PSMF1: variants seen among roughly 807,000 people sequenced by gnomAD.
PSMF1 encodes proteasome inhibitor PI31 subunit.
A neutral mutation model predicts 29.3 loss-of-function variants in PSMF1; 30 were observed. The ratio of observed to expected loss-of-function variants is 1.02; its 90% CI spans 0.77 to 1.39. The LOEUF is 1.39. Ranked by LOEUF, PSMF1 falls within the 40% of genes most tolerant of loss-of-function variation. The pLI is 0.00. For missense variants in PSMF1, 344 were observed against 357.5 expected (o/e 0.96, Z 0.31); for synonymous variants, 134 against 139.7 (o/e 0.96, Z 0.29).
intron 4 of PSMF1, among the ~76,000 whole-genome samples, chr20:1,147,665 C>A (rs2086471335): frequency 6.6e-6 from 1 of 152,138 alleles, no homozygotes; most frequent in African/African-American, 2.4e-5. Context: ...CCTATCAGAT[C>A]TCCCCTCTGT....
chr20:1,121,273 G>C (rs944458430), intron 1 of PSMF1, among the ~76,000 whole-genome samples: 1 of 152,070 alleles, frequency 6.6e-6, no homozygotes, highest in Non-Finnish European at 1.5e-5. Flanking sequence ...GGAGCCTGGG[G>C]AATTAGGTTT....
chr20:1,152,060 G>T (rs1056675323), intron 4 of PSMF1, among the ~76,000 whole-genome samples: 1 of 152,110 alleles, frequency 6.6e-6, no homozygotes, highest in Non-Finnish European at 1.5e-5. Context: ...TTGGGACTCG[G>T]TTAACCACGG....
chr20:1,157,957 T>A (rs1042289135), intron 4 of PSMF1, among the ~76,000 whole-genome samples: 4 of 152,174 alleles, frequency 2.6e-5, no homozygotes, highest in Admixed American at 2.6e-4. Context: ...TCTAGAGTAG[T>A]AGACTGATTT....
In PSMF1 at chr20:1,118,983, G is replaced by A. The variant is rs111911499; in HGVS notation, c.129+81G>A. The A allele has an allele frequency of 9.2e-6, 14 of 1,526,432 alleles. No individual in the cohort carries two copies. The African/African-American group carries it at 1.8e-4, about 19-fold the overall frequency. 94.6% of individuals were successfully genotyped at this position (1,526,432 alleles called of 1,614,324 possible). A position where few individuals can be genotyped will look rare whatever the true frequency, so the allele number is the denominator to read the frequency against. On this transcript the variant is annotated intron_variant, in intron 1 of 6. Coordinates refer to ENST00000335877, the MANE Select transcript of PSMF1 (RefSeq NM_006814.5). ...GAGTACCGGAGGCCTGGTCCAGAGCGCCCGATTTCCCCGCTTCTCCCAGTG... is the reference window on the plus strand; with the variant it reads ...GAGTACCGGAGGCCTGGTCCAGAGCACCCGATTTCCCCGCTTCTCCCAGTG...
chr20:1,133,569 A>ATATATATATATATATATATATATATTTT, intron 3 of PSMF1, among the ~76,000 whole-genome samples: 24 of 53,262 alleles, frequency 4.5e-4, no homozygotes, highest in African/African-American at 1.2e-3. Flanking sequence ...ATATATATAT[A>ATATATATATATATATATATATATATTTT]TTTTTTTTTT....
intron 2 of PSMF1, chr20:1,125,943 A>G (rs143183906): frequency 2.7e-4 from 144 of 538,682 alleles, no homozygotes; most frequent in African/African-American, 2.2e-3. Flanking sequence ...GGTAACCCCA[A>G]TGGGCTACTT....
At chr20:1,128,886 T>C (rs2086194112) in intron 3 of PSMF1, among the ~76,000 whole-genome samples, 4 of 151,568 alleles carry the variant, frequency 2.6e-5, no homozygotes, top group South Asian at 4.2e-4. Flanking sequence ...TTTTTTGTTT[T>C]GTTTTTTGAG....
chr20:1,128,915 A>G (rs901481762), intron 3 of PSMF1, among the ~76,000 whole-genome samples: 2 of 151,608 alleles, frequency 1.3e-5, no homozygotes, highest in African/African-American at 4.9e-5. Flanking sequence ...TTGCTCTGTC[A>G]CCCAGGCTGG....
intron 4 of PSMF1, among the ~76,000 whole-genome samples, chr20:1,154,514 A>C (rs1246838982): frequency 2.6e-5 from 4 of 152,184 alleles, no homozygotes; most frequent in Non-Finnish European, 4.4e-5. Context: ...TCATTTCCCC[A>C]ATTCTAAGTT....
chr20:1,130,269 G>A (rs963975615), intron 3 of PSMF1, among the ~76,000 whole-genome samples: 1 of 152,172 alleles, frequency 6.6e-6, no homozygotes, highest in African/African-American at 2.4e-5. Context: ...GCACAACAGT[G>A]TTAATGTACT....
chr20:1,157,830 T>G (rs2086614222), intron 4 of PSMF1, among the ~76,000 whole-genome samples: 1 of 152,048 alleles, frequency 6.6e-6, no homozygotes, highest in African/African-American at 2.4e-5. Context: ...TCATTTGTAG[T>G]CCTGCCTGGA....
In PSMF1 at chr20:1,139,757, A is replaced by AAAG. The variant is rs57718820; in HGVS notation, c.551+4451_551+4452insAAG. On this transcript the variant is annotated intron_variant, in intron 4 of 6. Transcript: ENST00000335877. ...GAGACTCCATCTCAAAAAAAAAAAA[A>AAAG]CGATAAAAATCAGTTGTATTTCTGT... Among the ~76,000 whole-genome samples, 280 of 147,824 alleles carry AAAG rather than the reference A, an allele frequency of 1.9e-3. 14 individuals carry two copies. Among genetic ancestry groups the AAAG allele is most frequent in the Non-Finnish European group, 2.6e-3 (172 of 67,178 alleles).
rs185073651 is a variant in PSMF1 at position 1,138,101 on chromosome 20, C to T, written c.551+2795C>T. ...TAATACCAGTTCTTCACATAGTCCT[C>T]CAAAAAATAGAAGAGGAGGGAATAC... On this transcript the variant is annotated intron_variant, in intron 4 of 6. Transcript: ENST00000335877. Among the ~76,000 whole-genome samples the T allele has an allele frequency of 3.9e-5, 6 of 152,096 alleles. No homozygotes were observed. In the East Asian group the frequency reaches 1.2e-3, roughly 29 times the overall value.
Position 1,165,045 on chromosome 20 carries a change from C to CT in PSMF1, c.782dup (p.Pro264AlafsTer5), listed in dbSNP as rs2086711744. On this transcript the variant is annotated frameshift_variant, in exon 7 of 7. Transcript: ENST00000335877. LOFTEE classifies it high-confidence loss of function. ...CCATTCCAGACCTAACCCAGACCAT[C>CT]TCCCCCCGCCGGGCTACGATGACAT... The CT allele has an allele frequency of 3.1e-6, 5 of 1,614,108 alleles. No individual in the cohort carries two copies. The highest frequency in any genetic ancestry group is 4.2e-6 in the Non-Finnish European group (5 of 1,180,004).
intron 4 of PSMF1, among the ~76,000 whole-genome samples, chr20:1,152,577 G>A (rs977617269): frequency 6.6e-6 from 1 of 152,174 alleles, no homozygotes; most frequent in Non-Finnish European, 1.5e-5. Context: ...GTTTTACAAG[G>A]GAGGGACTTC....
chr20:1,123,349 G>A (rs531433168), intron 1 of PSMF1, among the ~76,000 whole-genome samples: 12 of 152,022 alleles, frequency 7.9e-5, no homozygotes, highest in African/African-American at 2.7e-4. Flanking sequence ...CTTCATCTCC[G>A]GTCCCACTCC....
rs765817990 is a variant in PSMF1 at position 1,127,509 on chromosome 20, G to T, written c.365+1G>T. ...CAGAACACCTGGGTGACTTCCACAG[G>T]TACTTCTAAATGATGTCTCTTCCCT... On this transcript the variant is annotated splice_donor_variant, in intron 3 of 6. Transcript: ENST00000335877. LOFTEE classifies it high-confidence loss of function. 3 of 1,583,596 alleles carry T rather than the reference G, an allele frequency of 1.9e-6. No individual in the cohort carries two copies. Among genetic ancestry groups the T allele is most frequent in the East Asian group, 4.5e-5 (2 of 44,756 alleles).
Position 1,135,167 on chromosome 20 carries a change from A to G in PSMF1, c.412A>G (p.Ile138Val), listed in dbSNP as rs2086287949. ...EELRSRIVSG[I>V]ITPIHEQWEK... ...GCTTCGGTCTCGTATTGTGTCTGGA[A>G]TCATCACACCTATCCATGAGCAGTG... The change falls in exon 4 of 7, where the codon ATC becomes GTC. Residue 138 changes from isoleucine (I) to valine (V), a missense_variant. Physicochemically the swap from Ile to Val is conservative, Grantham distance 29. Transcript: ENST00000335877. The G allele has an allele frequency of 6.2e-7, 1 of 1,614,134 alleles. No individual in the cohort carries two copies. Among genetic ancestry groups the G allele is most frequent in the East Asian group, 2.2e-5 (1 of 44,872 alleles).
chr20:1,116,619 A>G (rs780851535), upstream of PSMF1, among the ~76,000 whole-genome samples: 6 of 152,246 alleles, frequency 3.9e-5, no homozygotes, highest in Non-Finnish European at 8.8e-5. Context: ...CTGTCTTTCA[A>G]TAAGTATAGA....
Sources: allele counts gnomAD v4.1 joint callset (sites outside exome capture counted in the v4.1 genomes callset), GRCh38; gene constraint gnomAD v4.1.1; transcripts MANE v1.5; gene names NCBI Gene and HGNC (gene_info 2026-07-23, HGNC 2026-07-21).